Variants in SNTG1 observed in about 807,000 individuals in gnomAD.
SNTG1 encodes syntrophin gamma 1, also known as gamma-1-syntrophin.
Under a neutral mutation model 74.7 loss-of-function variants are expected in SNTG1, and 39 were observed. The ratio of observed to expected loss-of-function variants is 0.52; its 90% CI spans 0.40 to 0.68. SNTG1 has a LOEUF of 0.68. Among genes scored for constraint, SNTG1 ranks in the 30% least tolerant of loss-of-function variants. SNTG1 has a pLI of 0.00. For synonymous variants in SNTG1, 254 were observed against 217.1 expected (o/e 1.17, Z -1.49); for missense variants, 685 against 609.5 (o/e 1.12, Z -1.30).
At chr8:50,572,964 C>T (rs143684836) in intron 12 of SNTG1, among the ~76,000 whole-genome samples, 65 of 152,176 alleles carry the variant, frequency 4.3e-4, no homozygotes, top group East Asian at 4.2e-3. Flanking sequence ...CCCTGTTAAA[C>T]AGCATCCTGC....
intron 4 of SNTG1, among the ~76,000 whole-genome samples, chr8:50,424,218 C>T (rs1246735188): frequency 6.6e-6 from 1 of 152,140 alleles, no homozygotes; most frequent in Non-Finnish European, 1.5e-5. Context: ...CAGGTACCCT[C>T]CCTCAGCATC....
intron 17 of SNTG1, among the ~76,000 whole-genome samples, chr8:50,737,577 G>C (rs762417005): frequency 6.6e-6 from 1 of 152,076 alleles, no homozygotes; most frequent in Non-Finnish European, 1.5e-5. Context: ...GCATCATCCT[G>C]ATAGCAAAAC....
At chr8:49,933,536 C>T (rs1807783965) in intron 1 of SNTG1, among the ~76,000 whole-genome samples, 1 of 152,076 alleles carries the variant, frequency 6.6e-6, no homozygotes, top group African/African-American at 2.4e-5. Context: ...TATTTATTTA[C>T]TTATTTATTT....
chr8:50,753,564 TACTA>T (rs1307619505), intron 18 of SNTG1, among the ~76,000 whole-genome samples: 3 of 152,072 alleles, frequency 2.0e-5, no homozygotes, highest in South Asian at 2.1e-4. Flanking sequence ...ATCTAATGGC[TACTA>T]ACTATGGTAT....
chr8:50,105,873 T>A (rs193172856), intron 1 of SNTG1, among the ~76,000 whole-genome samples: 22 of 152,254 alleles, frequency 1.4e-4, no homozygotes, highest in Admixed American at 3.3e-4. Context: ...TTTTTATACA[T>A]TGATTTTGTA....
chr8:50,256,341 A>G (rs971447111), intron 2 of SNTG1, among the ~76,000 whole-genome samples: 7 of 152,106 alleles, frequency 4.6e-5, no homozygotes. Flanking sequence ...TAGTCATTAT[A>G]CTAAACTAAT....
chr8:50,693,767 A>G (rs2095392725), intron 15 of SNTG1, among the ~76,000 whole-genome samples: 1 of 152,190 alleles, frequency 6.6e-6, no homozygotes, highest in East Asian at 1.9e-4. Flanking sequence ...GTACTTTTTC[A>G]ACCTCAATAA....
At chr8:50,034,088 TCTAA>T (rs1179722468) in intron 1 of SNTG1, among the ~76,000 whole-genome samples, 3 of 152,176 alleles carry the variant, frequency 2.0e-5, no homozygotes, top group African/African-American at 4.8e-5. Context: ...AATATTTTCT[TCTAA>T]CTGTTAAGTA....
chr8:50,172,181 A>T lies in SNTG1; in HGVS notation c.-102-380A>T, dbSNP rs537463858. On this transcript the variant is annotated intron_variant, in intron 1 of 18. Coordinates refer to ENST00000642720, the MANE Select transcript of SNTG1 (RefSeq NM_018967.5). ...ATTAAATCAATAGACCATTCCTCAC[A>T]ATGAATGCTTTTAAATATTATCACT... Among the ~76,000 whole-genome samples the T allele has an allele frequency of 2.6e-5, 4 of 152,284 alleles. No individual in the cohort carries two copies. The East Asian group carries it at 5.8e-4, about 22-fold the overall frequency.
At chr8:50,535,368 C>T (rs538153087) in intron 10 of SNTG1, among the ~76,000 whole-genome samples, 1 of 152,262 alleles carries the variant, frequency 6.6e-6, no homozygotes, top group African/African-American at 2.4e-5. Flanking sequence ...TGCTGACCAC[C>T]TGTACAGCTG....
intron 13 of SNTG1, among the ~76,000 whole-genome samples, chr8:50,634,495 T>C (rs2095025956): frequency 6.6e-6 from 1 of 152,220 alleles, no homozygotes; most frequent in African/African-American, 2.4e-5. Context: ...TGAAATTTTA[T>C]TGAAATAATT....
chr8:50,053,073 C>G (rs1328359990), intron 1 of SNTG1, among the ~76,000 whole-genome samples: 1 of 152,096 alleles, frequency 6.6e-6, no homozygotes, highest in South Asian at 2.1e-4. Context: ...AATGAAACCA[C>G]GTCCCATATT....
In SNTG1 at chr8:50,658,361, G is replaced by A. The variant is rs151183814; in HGVS notation, c.967-231G>A. Among the ~76,000 whole-genome samples the A allele has an allele frequency of 1.5e-3, 223 of 152,178 alleles. 2 individuals carry two copies. The highest frequency in any genetic ancestry group is 4.0e-3 in the African/African-American group (166 of 41,542). On this transcript the variant is annotated intron_variant, in intron 14 of 18. Transcript: ENST00000642720. ...TAAGGACACTGGGCAAATGAGAACT[G>A]TTGCACATAATATAAATCATTTGCT...
chr8:50,498,185 A>G (rs765361761), intron 8 of SNTG1, among the ~76,000 whole-genome samples: 8 of 151,900 alleles, frequency 5.3e-5, no homozygotes, highest in Non-Finnish European at 7.4e-5. Context: ...AAATTGCTAA[A>G]TTATTTTCCA....
intron 2 of SNTG1, among the ~76,000 whole-genome samples, chr8:50,342,261 G>T (rs1344916759): frequency 1.3e-5 from 2 of 151,972 alleles, no homozygotes; most frequent in East Asian, 1.9e-4. Flanking sequence ...CCTTCTGGAA[G>T]TTACAATAAA....
At chr8:50,648,697 G>T (rs1195748571) in intron 13 of SNTG1, among the ~76,000 whole-genome samples, 1 of 151,876 alleles carries the variant, frequency 6.6e-6, no homozygotes, top group Non-Finnish European at 1.5e-5. Flanking sequence ...AAAATATATT[G>T]TATATATAGA....
At chr8:49,929,549 G>T (rs1289347751) in intron 1 of SNTG1, among the ~76,000 whole-genome samples, 3 of 152,176 alleles carry the variant, frequency 2.0e-5, no homozygotes, top group African/African-American at 7.2e-5. Flanking sequence ...GACCCAGTGA[G>T]TGAGGCCGGA....
chr8:50,080,108 A>T (rs886858344), intron 1 of SNTG1, among the ~76,000 whole-genome samples: 1 of 152,068 alleles, frequency 6.6e-6, no homozygotes, highest in Non-Finnish European at 1.5e-5. Context: ...GTGATCTTTA[A>T]CTTGTGACTT....
In SNTG1 at chr8:50,282,331, G is replaced by A. The variant is rs560483369; in HGVS notation, c.-28+109696G>A. ...AGAGAGAGTGCTCATGACAAAAATCGGCCAGAAGCCCCTCTCACGTTTATT... is the reference window on the plus strand; with the variant it reads ...AGAGAGAGTGCTCATGACAAAAATCAGCCAGAAGCCCCTCTCACGTTTATT... On this transcript the variant is annotated intron_variant, in intron 2 of 18. Coordinates refer to ENST00000642720, the MANE Select transcript of SNTG1 (RefSeq NM_018967.5). Among the ~76,000 whole-genome samples, 11 of 152,188 alleles carry A rather than the reference G, an allele frequency of 7.2e-5. No homozygotes were observed. In the East Asian group the frequency reaches 7.7e-4, roughly 11 times the overall value.
Sources: allele counts gnomAD v4.1 joint callset (sites outside exome capture counted in the v4.1 genomes callset), GRCh38; gene constraint gnomAD v4.1.1; transcripts MANE v1.5; gene names NCBI Gene and HGNC (gene_info 2026-07-23, HGNC 2026-07-21).